The following RBMS3 variants were observed in gnomAD, a reference collection of about 807,000 sequenced individuals.
The protein encoded by RBMS3 is RNA-binding motif, single-stranded-interacting protein 3.
In RBMS3, 27 loss-of-function variants were observed where a neutral mutation model predicts 66.8. The ratio of observed to expected loss-of-function variants is 0.40; its 90% CI spans 0.30 to 0.56. RBMS3 has a LOEUF of 0.56. Ranked by LOEUF, RBMS3 falls within the 20% of genes least tolerant of loss-of-function variation. The probability of loss-of-function intolerance (pLI) is 0.40; values close to 1 mark genes in which losing one functional copy is unlikely to be tolerated. For synonymous variants in RBMS3, 188 were observed against 183.0 expected (o/e 1.03, Z -0.22); for missense variants, 513 against 549.5 (o/e 0.93, Z 0.66).
At chr3:29,824,765 A>G (rs1201653855) in intron 6 of RBMS3, among the ~76,000 whole-genome samples, 1 of 152,170 alleles carries the variant, frequency 6.6e-6, no homozygotes, top group East Asian at 1.9e-4. Context: ...TAGCTCAGAA[A>G]CCATACAAGA....
chr3:29,439,870 A>T (rs971522860), intron 2 of RBMS3, among the ~76,000 whole-genome samples: 1 of 152,210 alleles, frequency 6.6e-6, no homozygotes, highest in Non-Finnish European at 1.5e-5. Context: ...CCAACTGATT[A>T]TACAGATTTA....
intron 5 of RBMS3, among the ~76,000 whole-genome samples, chr3:29,762,272 A>C (rs1054069206): frequency 6.6e-6 from 1 of 152,134 alleles, no homozygotes; most frequent in Non-Finnish European, 1.5e-5. Context: ...GTAGGACCCC[A>C]CCTAACTCTT....
chr3:29,788,167 CT>C lies in RBMS3; in HGVS notation c.637+25187del, dbSNP rs112536774. ...GTACCCACCCTTCTCTAAATCTTGT[CT>C]TTTTTTTTCACTTAGCAATGTACTT... On this transcript the variant is annotated intron_variant, in intron 6 of 14. Coordinates refer to ENST00000383767, the MANE Select transcript of RBMS3 (RefSeq NM_001003793.3). Among the ~76,000 whole-genome samples, 37 of 136,350 alleles carry C rather than the reference CT, an allele frequency of 2.7e-4. 1 individual carries two copies. The highest frequency in any genetic ancestry group is 7.9e-4 in the African/African-American group (29 of 36,900). The allele number at this position is 136,350 out of a possible 152,430, so 89.5% of individuals were successfully genotyped here.
intron 2 of RBMS3, among the ~76,000 whole-genome samples, chr3:29,468,658 G>A (rs1421810153): frequency 6.6e-6 from 1 of 151,924 alleles, no homozygotes; most frequent in African/African-American, 2.4e-5. Flanking sequence ...TTATTGCTTG[G>A]ATTATTTCAT....
chr3:29,777,716 G>A (rs1357209821), intron 6 of RBMS3, among the ~76,000 whole-genome samples: 1 of 151,566 alleles, frequency 6.6e-6, no homozygotes, highest in Non-Finnish European at 1.5e-5. Flanking sequence ...TTGACCTATG[G>A]ACATTAAACA....
At chr3:29,501,561 C>T (rs2148937553) in intron 3 of RBMS3, among the ~76,000 whole-genome samples, 1 of 152,242 alleles carries the variant, frequency 6.6e-6, no homozygotes, top group African/African-American at 2.4e-5. Context: ...TACGGTGCTT[C>T]TGTTAACCGC....
At chr3:29,774,201 C>A (rs1264046073) in intron 6 of RBMS3, among the ~76,000 whole-genome samples, 3 of 151,748 alleles carry the variant, frequency 2.0e-5, no homozygotes, top group Non-Finnish European at 4.4e-5. Flanking sequence ...ATATAAAATT[C>A]CTCAAATTCC....
At chr3:29,852,565 C>T (rs532942110) in intron 6 of RBMS3, among the ~76,000 whole-genome samples, 72 of 152,172 alleles carry the variant, frequency 4.7e-4, no homozygotes, top group Non-Finnish European at 8.8e-4. Context: ...AAAAAAAGCT[C>T]ATCATCACTG....
At chr3:29,993,739 A>C (rs1243560816) in intron 14 of RBMS3, among the ~76,000 whole-genome samples, 1 of 152,212 alleles carries the variant, frequency 6.6e-6, no homozygotes, top group Non-Finnish European at 1.5e-5. Flanking sequence ...CCTGCCAGCT[A>C]TAGAACTAGA....
At chr3:29,393,259 C>T (rs2039392050) in intron 1 of RBMS3, among the ~76,000 whole-genome samples, 1 of 152,084 alleles carries the variant, frequency 6.6e-6, no homozygotes, top group Non-Finnish European at 1.5e-5. Context: ...CATGGGACTA[C>T]CTGCCAGGAA....
intron 1 of RBMS3, among the ~76,000 whole-genome samples, chr3:29,298,992 G>A (rs1258428322): frequency 6.6e-6 from 1 of 151,788 alleles, no homozygotes; most frequent in African/African-American, 2.4e-5. Flanking sequence ...TAATTTATTT[G>A]AGAAAACAGG....
intron 3 of RBMS3, among the ~76,000 whole-genome samples, chr3:29,502,736 C>G (rs553123045): frequency 2.1e-4 from 32 of 152,216 alleles, no homozygotes; most frequent in African/African-American, 7.5e-4. Context: ...TGGCAAATGT[C>G]TAGCTTTCTA....
At chr3:29,567,075 C>G (rs370282724) in intron 3 of RBMS3, among the ~76,000 whole-genome samples, 1 of 152,052 alleles carries the variant, frequency 6.6e-6, no homozygotes, top group Non-Finnish European at 1.5e-5. Context: ...CCACATAGAG[C>G]CCTCAGTGAA....
intron 4 of RBMS3, among the ~76,000 whole-genome samples, chr3:29,601,061 G>C (rs2048126186): frequency 6.6e-6 from 1 of 151,854 alleles, no homozygotes; most frequent in Non-Finnish European, 1.5e-5. Context: ...CAAATGCTGA[G>C]GCAAATCAGC....
intron 3 of RBMS3, among the ~76,000 whole-genome samples, chr3:29,567,449 T>G (rs1406685425): frequency 6.6e-6 from 1 of 152,182 alleles, no homozygotes; most frequent in Admixed American, 6.5e-5. Flanking sequence ...TGATGGTTTC[T>G]GTGTTCTCCA....
intron 12 of RBMS3, among the ~76,000 whole-genome samples, chr3:29,949,438 GGCAGCAA>G (rs1179345478): frequency 5.3e-5 from 8 of 151,764 alleles, no homozygotes; most frequent in Non-Finnish European, 1.2e-4. Context: ...TGCAAAAATA[GGCAGCAA>G]GCAGAATTTG....
intron 1 of RBMS3, among the ~76,000 whole-genome samples, chr3:29,421,403 G>C (rs2040729197): frequency 6.6e-6 from 1 of 152,058 alleles, no homozygotes; most frequent in Admixed American, 6.6e-5. Flanking sequence ...TCTTGCAGGG[G>C]AACAATTTTT....
At chr3:29,876,467 C>A (rs1453608169) in intron 7 of RBMS3, among the ~76,000 whole-genome samples, 1 of 152,074 alleles carries the variant, frequency 6.6e-6, no homozygotes, top group African/African-American at 2.4e-5. Context: ...TGTATTAATT[C>A]ATTTAGCTAA....
intron 3 of RBMS3, among the ~76,000 whole-genome samples, chr3:29,497,972 C>CTTTTTTTTTTT (rs1559412873): frequency 2.4e-5 from 1 of 42,276 alleles, no homozygotes. Flanking sequence ...TAAAAGTATT[C>CTTTTTTTTTTT]ATTTTTTTTT....
Sources: gnomAD v4.1 joint callset for allele counts (sites outside exome capture counted in the v4.1 genomes callset) on GRCh38, gnomAD v4.1.1 for gene constraint, MANE v1.5 for transcripts, NCBI Gene and HGNC (gene_info 2026-07-23, HGNC 2026-07-21) for gene names.